The following HOMER1 variants were observed in gnomAD, a reference collection of about 807,000 sequenced individuals.
HOMER1 encodes homer protein homolog 1.
A neutral mutation model predicts 48.9 loss-of-function variants in HOMER1; 3 were observed. That is an observed-to-expected ratio of 0.06 (90% CI 0.03 to 0.16). The LOEUF (loss-of-function observed/expected upper bound fraction) is 0.16. HOMER1 is among the 10% of genes least tolerant of loss of function. The pLI is 1.00. For synonymous variants in HOMER1, 134 were observed against 146.4 expected (o/e 0.92, Z 0.61); for missense variants, 247 against 411.4 (o/e 0.60, Z 3.46).
At chr5:79,431,685 A>AT (rs2112264504) in intron 5 of HOMER1, among the ~76,000 whole-genome samples, 1 of 152,308 alleles carries the variant, frequency 6.6e-6, no homozygotes, top group Admixed American at 6.5e-5. Flanking sequence ...AAAATTAACA[A>AT]TTTTGTCAAC....
At chr5:79,484,630 T>TA (rs1292584950) in intron 1 of HOMER1, among the ~76,000 whole-genome samples, 1 of 152,202 alleles carries the variant, frequency 6.6e-6, no homozygotes, top group Non-Finnish European at 1.5e-5. Context: ...ATGATGCTTA[T>TA]AAGAAAACCA....
rs187233233 is a variant in HOMER1 at position 79,376,287 on chromosome 5, C to T, written c.877-90G>A. 174 of 932,080 alleles carry T rather than the reference C, an allele frequency of 1.9e-4. No homozygotes were observed. In the African/African-American group the frequency reaches 2.6e-3, roughly 14 times the overall value. 57.7% of individuals were successfully genotyped at this position (932,080 alleles called of 1,614,324 possible). A position where few individuals can be genotyped will look rare whatever the true frequency, so the allele number is the denominator to read the frequency against. On this transcript the variant is annotated intron_variant, in intron 8 of 8. Coordinates refer to ENST00000334082, the MANE Select transcript of HOMER1 (RefSeq NM_004272.5). ...CTGTTATTACCAATATTGCGGTAATCAATGCAGTTTGACTGTCAGGATGAG... is the reference window on the plus strand; with the variant it reads ...CTGTTATTACCAATATTGCGGTAATTAATGCAGTTTGACTGTCAGGATGAG...
intron 1 of HOMER1, among the ~76,000 whole-genome samples, chr5:79,502,565 A>C (rs989260342): frequency 2.0e-5 from 3 of 152,244 alleles, no homozygotes; most frequent in Admixed American, 6.5e-5. Context: ...ATGCATATAC[A>C]GAATTTTATA....
chr5:79,389,011 G>A (rs1350660127), intron 8 of HOMER1, among the ~76,000 whole-genome samples: 1 of 151,882 alleles, frequency 6.6e-6, no homozygotes, highest in African/African-American at 2.4e-5. Flanking sequence ...CCTCAACAAT[G>A]TATTTCGTGA....
At chr5:79,500,927 T>TTGTGTGTGTTTG (rs1752559749) in intron 1 of HOMER1, among the ~76,000 whole-genome samples, 2 of 124,324 alleles carry the variant, frequency 1.6e-5, no homozygotes, top group South Asian at 5.1e-4. Flanking sequence ...ACCCAGCCAT[T>TTGTGTGTGTTTG]TGTGTGTGTG....
intron 2 of HOMER1, among the ~76,000 whole-genome samples, chr5:79,456,261 G>T (rs1359707179): frequency 6.6e-6 from 1 of 151,944 alleles, no homozygotes; most frequent in African/African-American, 2.4e-5. Context: ...ACAACCACCA[G>T]TACTGAGTTG....
intron 8 of HOMER1, among the ~76,000 whole-genome samples, chr5:79,388,571 A>C (rs936695027): frequency 1.3e-5 from 2 of 152,182 alleles, no homozygotes; most frequent in African/African-American, 2.4e-5. Flanking sequence ...TTCTCAAATA[A>C]GCATTTAAAA....
At chr5:79,452,417 TTAGTC>T (rs1751054801) in intron 2 of HOMER1, among the ~76,000 whole-genome samples, 1 of 152,192 alleles carries the variant, frequency 6.6e-6, no homozygotes, top group African/African-American at 2.4e-5. Flanking sequence ...AATCATTTCT[TTAGTC>T]TAACGCACTC....
chr5:79,473,060 TC>T (rs1470117082), intron 1 of HOMER1, among the ~76,000 whole-genome samples: 11 of 152,268 alleles, frequency 7.2e-5, no homozygotes, highest in African/African-American at 2.4e-4. Context: ...CCCATAAATA[TC>T]AACTTTAAGG....
At chr5:79,502,021 A>ATTT (rs10674187) in intron 1 of HOMER1, among the ~76,000 whole-genome samples, 50,534 of 129,818 alleles carry the variant, frequency 0.39, 10,680 homozygotes, top group South Asian at 0.62. Context: ...GGTCCTGATA[A>ATTT]TTTTTTTTTT....
rs146115177 is a variant in HOMER1 at position 79,484,732 on chromosome 5, A to T, written c.6-27714T>A. 5.0e-3 allele frequency among the ~76,000 whole-genome samples: 767 copies of T among 152,318 alleles called. 5 individuals carry two copies. The highest frequency in any genetic ancestry group is 0.018 in the African/African-American group (736 of 41,570). On this transcript the variant is annotated intron_variant, in intron 1 of 8. Transcript: ENST00000334082. ...AAGATATACCTCGCAAATATCAATCATAAGGTCTGCCCCATCCCCAGAATG... is the reference window on the plus strand; with the variant it reads ...AAGATATACCTCGCAAATATCAATCTTAAGGTCTGCCCCATCCCCAGAATG...
In HOMER1 at chr5:79,502,060, A is replaced by T. The variant is rs369241377; in HGVS notation, c.5+10710T>A. Among the ~76,000 whole-genome samples, 491 of 131,740 alleles carry T rather than the reference A, an allele frequency of 3.7e-3. 3 individuals carry two copies. Among genetic ancestry groups the T allele is most frequent in the Middle Eastern group, 0.011 (2 of 186 alleles). The allele number at this position is 131,740 out of a possible 152,430, so 86.4% of individuals were successfully genotyped here. A position where few individuals can be genotyped will look rare whatever the true frequency, so the allele number is the denominator to read the frequency against. On this transcript the variant is annotated intron_variant, in intron 1 of 8. Transcript: ENST00000334082. ...TTTTTTGAGACAGTCTCATTCTGTC[A>T]CCAGGCTGGAGTTCAGTGGCGCGAT...
intron 3 of HOMER1, among the ~76,000 whole-genome samples, chr5:79,449,232 T>C (rs1468023829): frequency 4.8e-5 from 7 of 145,968 alleles, no homozygotes; most frequent in East Asian, 4.0e-4. Context: ...ATTTTTGCTA[T>C]AGTCTTTAAT....
At chr5:79,377,230 T>C (rs1040535835) in intron 8 of HOMER1, among the ~76,000 whole-genome samples, 1 of 152,188 alleles carries the variant, frequency 6.6e-6, no homozygotes, top group South Asian at 2.1e-4. Context: ...CCTCCAAATG[T>C]GCTAGGATTA....
intron 6 of HOMER1, among the ~76,000 whole-genome samples, chr5:79,400,141 AG>A (rs1366687843): frequency 1.3e-5 from 2 of 152,132 alleles, no homozygotes; most frequent in Non-Finnish European, 2.9e-5. Flanking sequence ...AGTCATTTTA[AG>A]TGTATAGTTC....
chr5:79,436,057 C>T (rs933935046), intron 5 of HOMER1, among the ~76,000 whole-genome samples: 167 of 150,826 alleles, frequency 1.1e-3, no homozygotes, highest in African/African-American at 3.9e-3. Context: ...ACCCGGGAAG[C>T]GGAGCTTGCA....
intron 5 of HOMER1, among the ~76,000 whole-genome samples, chr5:79,407,471 T>G (rs1749696554): frequency 6.6e-6 from 1 of 152,134 alleles, no homozygotes; most frequent in African/African-American, 2.4e-5. Flanking sequence ...TCACTCAGAT[T>G]GTGAATTTTA....
chr5:79,430,216 G>A (rs182826755), intron 5 of HOMER1, among the ~76,000 whole-genome samples: 151 of 152,218 alleles, frequency 9.9e-4, no homozygotes, highest in Middle Eastern at 3.4e-3. Context: ...CAAAGGATCT[G>A]AACAGCCATT....
intron 5 of HOMER1, among the ~76,000 whole-genome samples, chr5:79,432,087 A>G (rs902669168): frequency 2.6e-5 from 4 of 152,238 alleles, no homozygotes; most frequent in African/African-American, 9.6e-5. Flanking sequence ...TATATCACAA[A>G]TGTCACACAT....
Sources: allele counts gnomAD v4.1 joint callset (sites outside exome capture counted in the v4.1 genomes callset), GRCh38; gene constraint gnomAD v4.1.1; transcripts MANE v1.5; gene names NCBI Gene and HGNC (gene_info 2026-07-23, HGNC 2026-07-21).